Variants in COL25A1 observed in about 807,000 individuals in gnomAD.
COL25A1 encodes the protein collagen alpha-1(XXV) chain.
A neutral mutation model predicts 128.4 loss-of-function variants in COL25A1; 103 were observed. The ratio of observed to expected loss-of-function variants is 0.80; its 90% CI spans 0.68 to 0.94. The LOEUF (loss-of-function observed/expected upper bound fraction) is 0.94. Among genes scored for constraint, COL25A1 ranks in the 40% least tolerant of loss-of-function variants. The pLI is 0.00. For synonymous variants in COL25A1, 279 were observed against 277.2 expected, an observed-to-expected ratio of 1.01 and a Z score of -0.06; for missense variants, 745 against 840.0, an observed-to-expected ratio of 0.89 and a Z score of 1.40.
At chr4:108,920,552 T>C (rs1560865102) in intron 12 of COL25A1, 26 bp downstream of exon 12, 4 of 1,581,864 alleles carry the variant, frequency 2.5e-6, no homozygotes, top group African/African-American at 1.4e-5. Flanking sequence ...ATAATTACTT[T>C]CACAATATTG....
chr4:109,183,524 T>A (rs1774864019), intron 3 of COL25A1, among the ~76,000 whole-genome samples: 1 of 152,188 alleles, frequency 6.6e-6, no homozygotes. Context: ...ATACTCCAAG[T>A]GATTTCAAAT....
At chr4:109,031,782 A>G (rs1758893146) in intron 5 of COL25A1, among the ~76,000 whole-genome samples, 1 of 152,098 alleles carries the variant, frequency 6.6e-6, no homozygotes, top group Non-Finnish European at 1.5e-5. Flanking sequence ...CCTGACTCCT[A>G]GCACACTCTT....
intron 26 of COL25A1, among the ~76,000 whole-genome samples, chr4:108,850,016 A>G (rs1033888252): frequency 2.6e-5 from 4 of 152,172 alleles, no homozygotes; most frequent in Admixed American, 1.3e-4. Flanking sequence ...TTTTGCCACA[A>G]ACAAGTCTGC....
chr4:108,831,967 TTCC>T (rs1478589564), intron 32 of COL25A1, among the ~76,000 whole-genome samples: 1 of 152,220 alleles, frequency 6.6e-6, no homozygotes, highest in Non-Finnish European at 1.5e-5. Context: ...GTTTCATTAT[TTCC>T]TTTGGAAAAA....
At chr4:108,947,504 T>C (rs895467655) in intron 8 of COL25A1, among the ~76,000 whole-genome samples, 4 of 151,660 alleles carry the variant, frequency 2.6e-5, no homozygotes, top group South Asian at 2.1e-4. Context: ...TTATGAGCCA[T>C]AGAGATATCT....
intron 8 of COL25A1, among the ~76,000 whole-genome samples, chr4:108,947,769 G>A (rs1748948721): frequency 6.6e-6 from 1 of 152,116 alleles, no homozygotes; most frequent in African/African-American, 2.4e-5. Context: ...AAGAAGAACA[G>A]GTTAACAATG....
chr4:108,929,488 T>C (rs907596122), intron 11 of COL25A1, among the ~76,000 whole-genome samples: 1 of 152,136 alleles, frequency 6.6e-6, no homozygotes, highest in African/African-American at 2.4e-5. Flanking sequence ...CTTTTAGTTA[T>C]AACGTGCATA....
intron 19 of COL25A1, among the ~76,000 whole-genome samples, chr4:108,871,009 T>G (rs996312953): frequency 6.6e-6 from 1 of 152,180 alleles, no homozygotes; most frequent in Non-Finnish European, 1.5e-5. Flanking sequence ...TTATACATAT[T>G]TCTTATACAG....
In COL25A1 at chr4:108,936,622, T is replaced by C. The variant is rs890574248; in HGVS notation, c.708+1186A>G. ...TATTACAGGTCAGGAACAGAGAATT[T>C]CCAGGCAGTGAGTGAGATCTGGACC... On this transcript the variant is annotated intron_variant, in intron 11 of 37. Coordinates refer to ENST00000399132, the MANE Select transcript of COL25A1 (RefSeq NM_198721.4). Among the ~76,000 whole-genome samples the C allele has an allele frequency of 9.9e-5, 15 of 151,872 alleles. No homozygotes were observed. The East Asian group carries it at 2.7e-3, about 28-fold the overall frequency.
In COL25A1 at chr4:109,070,579, C is replaced by T. The variant is rs554532725; in HGVS notation, c.368-20400G>A. Reference sequence around the variant, plus strand: ...TACTTTAAGTTCTAGGGTACATGTGCACAACGTGCAGGTTTGTTACATATG... The same window carrying T: ...TACTTTAAGTTCTAGGGTACATGTGTACAACGTGCAGGTTTGTTACATATG... On this transcript the variant is annotated intron_variant, in intron 3 of 37. Coordinates refer to ENST00000399132, the MANE Select transcript of COL25A1 (RefSeq NM_198721.4). 5.3e-5 allele frequency among the ~76,000 whole-genome samples: 8 copies of T among 152,146 alleles called. No homozygotes were observed. In the South Asian group the frequency reaches 1.7e-3, roughly 32 times the overall value.
In COL25A1 at chr4:109,251,348, C is replaced by G. The variant is rs570641644; in HGVS notation, c.367+49235G>C. Reference sequence around the variant, plus strand: ...TATGTTTCTTTACCTGGTAGAGTGACTTAAACCTTCATTCCTGAAGGATCT... The same window carrying G: ...TATGTTTCTTTACCTGGTAGAGTGAGTTAAACCTTCATTCCTGAAGGATCT... On this transcript the variant is annotated intron_variant, in intron 3 of 37. Transcript: ENST00000399132. Among the ~76,000 whole-genome samples, 15 of 152,302 alleles carry G rather than the reference C, an allele frequency of 9.8e-5. No individual in the cohort carries two copies. In the East Asian group the frequency reaches 2.9e-3, roughly 29 times the overall value.
intron 3 of COL25A1, among the ~76,000 whole-genome samples, chr4:109,217,534 C>CAA (rs554619804): frequency 0.086 from 13,135 of 152,100 alleles, 1,176 homozygotes; most frequent in African/African-American, 0.23. Context: ...AACACTGAAG[C>CAA]TTTGAAATGT....
intron 3 of COL25A1, among the ~76,000 whole-genome samples, chr4:109,133,619 T>C (rs1183545530): frequency 6.6e-6 from 1 of 152,162 alleles, no homozygotes; most frequent in Non-Finnish European, 1.5e-5. Context: ...GTATTAGCAG[T>C]AGAATGTAAG....
intron 3 of COL25A1, among the ~76,000 whole-genome samples, chr4:109,103,210 C>A (rs1235816375): frequency 2.0e-5 from 3 of 152,032 alleles, no homozygotes; most frequent in Non-Finnish European, 4.4e-5. Flanking sequence ...AATAAGAAAC[C>A]ATAATAAAAA....
chr4:109,077,400 C>G (rs1283086711), intron 3 of COL25A1, among the ~76,000 whole-genome samples: 1 of 152,056 alleles, frequency 6.6e-6, no homozygotes, highest in Non-Finnish European at 1.5e-5. Flanking sequence ...AAAAACAAAA[C>G]TAGCCTTCCA....
intron 37 of COL25A1, among the ~76,000 whole-genome samples, chr4:108,815,605 A>G (rs536579309): frequency 6.6e-6 from 1 of 152,178 alleles, no homozygotes; most frequent in South Asian, 2.1e-4. Context: ...AAGATCTTTA[A>G]TCTTATGTAG....
At position 109,020,400 on chromosome 4, in the gene COL25A1, A is replaced by G. The variant is rs555121699; in HGVS notation, c.421-10025T>C. 2.0e-5 allele frequency among the ~76,000 whole-genome samples: 3 copies of G among 152,144 alleles called. No homozygotes were observed. The East Asian group carries it at 5.8e-4, about 29-fold the overall frequency. On this transcript the variant is annotated intron_variant, in intron 5 of 37. Coordinates refer to ENST00000399132, the MANE Select transcript of COL25A1 (RefSeq NM_198721.4). ...TTTAATGCTGAAAAGCAAAAGCCAT[A>G]TTCTACTCCAGAGGAAAATAAGTGG...
In COL25A1 at chr4:108,970,402, G is replaced by C. The variant is rs530970515; in HGVS notation, c.492+3965C>G. Among the ~76,000 whole-genome samples the C allele has an allele frequency of 5.3e-5, 8 of 152,170 alleles. No homozygotes were observed. The East Asian group carries it at 1.5e-3, about 29-fold the overall frequency. ...TACTTAACCTACTTATTGGCAAATG[G>C]AATATTATTTTTTAGGGTCCTTTTT... On this transcript the variant is annotated intron_variant, in intron 8 of 37. Transcript: ENST00000399132.
intron 11 of COL25A1, among the ~76,000 whole-genome samples, chr4:108,930,491 G>A (rs759208199): frequency 1.3e-4 from 20 of 152,190 alleles, no homozygotes; most frequent in Non-Finnish European, 2.2e-4. Flanking sequence ...CCACTGGTGT[G>A]CACCACAACA....
Sources: gnomAD v4.1 joint callset for allele counts (sites outside exome capture counted in the v4.1 genomes callset) on GRCh38, gnomAD v4.1.1 for gene constraint, MANE v1.5 for transcripts, NCBI Gene and HGNC (gene_info 2026-07-23, HGNC 2026-07-21) for gene names.